The following LYPD6B variants were observed in gnomAD, a reference collection of about 807,000 sequenced individuals.
The protein encoded by LYPD6B is LY6/PLAUR domain containing 6B, also known as ly6/PLAUR domain-containing protein 6B.
LYPD6B carries 17 observed loss-of-function variants against 22.8 expected under a neutral mutation model. That is an observed-to-expected ratio of 0.75 (90% CI 0.51 to 1.12). The LOEUF (loss-of-function observed/expected upper bound fraction) is 1.12. Ranked by LOEUF, LYPD6B falls within the 50% of genes most tolerant of loss-of-function variation. The pLI, the probability that LYPD6B is intolerant of heterozygous loss-of-function variation, is 0.00. For missense variants in LYPD6B, 221 were observed against 258.3 expected, an observed-to-expected ratio of 0.86 and a Z score of 0.99; for synonymous variants, 106 against 91.6, an observed-to-expected ratio of 1.16 and a Z score of -0.90.
At chr2:149,123,657 A>C (rs1360698122) in intron 1 of LYPD6B, among the ~76,000 whole-genome samples, 2 of 152,088 alleles carry the variant, frequency 1.3e-5, no homozygotes, top group Admixed American at 6.6e-5. Flanking sequence ...AGGTCAAGAG[A>C]TCGAGACCAT....
chr2:149,164,534 A>G (rs1690296539), intron 3 of LYPD6B, among the ~76,000 whole-genome samples: 1 of 152,182 alleles, frequency 6.6e-6, no homozygotes, highest in African/African-American at 2.4e-5. Context: ...CCTGTGGAAT[A>G]ACACTGCTTC....
chr2:149,169,625 A>G (rs1483047846), intron 3 of LYPD6B, among the ~76,000 whole-genome samples: 1 of 150,454 alleles, frequency 6.6e-6, no homozygotes, highest in Non-Finnish European at 1.5e-5. Flanking sequence ...AACTGAAGTT[A>G]CAAATCTCTT....
At chr2:149,143,626 A>G (rs1688833568) in intron 2 of LYPD6B, among the ~76,000 whole-genome samples, 1 of 152,044 alleles carries the variant, frequency 6.6e-6, no homozygotes, top group African/African-American at 2.4e-5. Context: ...TCTCCTTCCA[A>G]TTGTCTCTTC....
At chr2:149,100,583 G>A (rs1215532011) in intron 1 of LYPD6B, among the ~76,000 whole-genome samples, 1 of 152,104 alleles carries the variant, frequency 6.6e-6, no homozygotes, top group African/African-American at 2.4e-5. Flanking sequence ...AGACTGAGTA[G>A]AGGACCTTTT....
intron 1 of LYPD6B, among the ~76,000 whole-genome samples, chr2:149,062,909 C>T (rs1478520404): frequency 7.8e-6 from 1 of 128,430 alleles, no homozygotes; most frequent in Non-Finnish European, 1.6e-5. Context: ...TGGCTGAAGT[C>T]CTGAAATAGT....
At chr2:149,161,676 C>A (rs1289084014) in intron 3 of LYPD6B, among the ~76,000 whole-genome samples, 1 of 152,112 alleles carries the variant, frequency 6.6e-6, no homozygotes, top group East Asian at 1.9e-4. Flanking sequence ...GTCAAACAGG[C>A]CTCCCACTTT....
chr2:149,190,783 A>G (rs936262694), intron 3 of LYPD6B, among the ~76,000 whole-genome samples: 4 of 152,244 alleles, frequency 2.6e-5, no homozygotes, highest in African/African-American at 9.6e-5. Flanking sequence ...AGCTATTTCC[A>G]TATTAGTGAG....
intron 3 of LYPD6B, among the ~76,000 whole-genome samples, chr2:149,183,799 A>C (rs920228092): frequency 6.6e-6 from 1 of 151,926 alleles, no homozygotes; most frequent in African/African-American, 2.4e-5. Context: ...ATGTTTATTC[A>C]ATGAATAAAA....
chr2:149,143,681 C>T (rs1451487830), intron 2 of LYPD6B, among the ~76,000 whole-genome samples: 1 of 152,038 alleles, frequency 6.6e-6, no homozygotes, highest in African/African-American at 2.4e-5. Context: ...AGTAAATAAC[C>T]CCCACAGAGT....
intron 1 of LYPD6B, among the ~76,000 whole-genome samples, chr2:149,084,008 G>A (rs150035774): frequency 0.012 from 1,769 of 152,182 alleles, 20 homozygotes; most frequent in Non-Finnish European, 0.018. Flanking sequence ...GCTGAGGCAG[G>A]AGAATCACTT....
intron 4 of LYPD6B, 46 bp downstream of exon 4, chr2:149,205,450 A>G: frequency 6.3e-7 from 1 of 1,590,128 alleles, no homozygotes; most frequent in South Asian, 1.1e-5. Flanking sequence ...GTGGGGCCAG[A>G]GTGTTAATAT....
intron 3 of LYPD6B, among the ~76,000 whole-genome samples, chr2:149,168,328 C>T (rs1258433425): frequency 2.0e-5 from 3 of 151,954 alleles, no homozygotes; most frequent in African/African-American, 7.3e-5. Context: ...TGCACATGTG[C>T]CCGTCAGGTT....
intron 1 of LYPD6B, among the ~76,000 whole-genome samples, chr2:149,074,247 C>T (rs940532671): frequency 6.9e-6 from 1 of 144,012 alleles, no homozygotes; most frequent in African/African-American, 2.6e-5. Context: ...CACGTGCACA[C>T]ACATGCATAC....
At chr2:149,163,058 G>T (rs564812662) in intron 3 of LYPD6B, among the ~76,000 whole-genome samples, 1 of 152,238 alleles carries the variant, frequency 6.6e-6, no homozygotes, top group African/African-American at 2.4e-5. Context: ...GGGGGGTGGG[G>T]CAGGAGTCCT....
At chr2:149,135,517 C>T (rs1421947909) in intron 2 of LYPD6B, among the ~76,000 whole-genome samples, 1 of 151,650 alleles carries the variant, frequency 6.6e-6, no homozygotes, top group East Asian at 2.0e-4. Flanking sequence ...GTCAGGAGTT[C>T]GAGACCAGCC....
intron 1 of LYPD6B, among the ~76,000 whole-genome samples, chr2:149,060,999 A>ATGTTGGTCAGGCTGGTATCG (rs1300505340): frequency 6.6e-6 from 1 of 152,066 alleles, no homozygotes; most frequent in African/African-American, 2.4e-5. Context: ...TGGGCCTAGC[A>ATGTTGGTCAGGCTGGTATCG]AATGTGTTCT....
Position 149,098,643 on chromosome 2 carries a change from A to AAAGAAAG in LYPD6B, c.-66-32238_-66-32237insGAAAGAA, listed in dbSNP as rs1553482536. ...ACTCTGTCTCAAAAAAAAAAAAAAAAAAAAAAGAAAAAAATGGCTTTGGTT... is the reference window on the plus strand; with the variant it reads ...ACTCTGTCTCAAAAAAAAAAAAAAAAAAGAAAGAAAAAAGAAAAAAATGGCTTTGGTT... On this transcript the variant is annotated intron_variant, in intron 1 of 6. Coordinates refer to ENST00000409642, the MANE Select transcript of LYPD6B (RefSeq NM_177964.5). Among the ~76,000 whole-genome samples, 166 of 130,992 alleles carry AAAGAAAG rather than the reference A, an allele frequency of 1.3e-3. 1 individual carries two copies. The highest frequency in any genetic ancestry group is 2.1e-3 in the Non-Finnish European group (135 of 63,522). 85.9% of individuals were successfully genotyped at this position (130,992 alleles called of 152,430 possible). A position where few individuals can be genotyped will look rare whatever the true frequency, so the allele number is the denominator to read the frequency against.
At chr2:149,106,218 T>C (rs1054321361) in intron 1 of LYPD6B, among the ~76,000 whole-genome samples, 3 of 152,174 alleles carry the variant, frequency 2.0e-5, no homozygotes, top group Non-Finnish European at 4.4e-5. Flanking sequence ...TTTGCATCTA[T>C]GTTCATGAGG....
intron 1 of LYPD6B, among the ~76,000 whole-genome samples, chr2:149,041,951 G>A (rs530131462): frequency 6.6e-6 from 1 of 152,308 alleles, no homozygotes; most frequent in Admixed American, 6.5e-5. Context: ...GGATTGGGGT[G>A]GAGGAGTTTC....
Sources: gnomAD v4.1 joint callset for allele counts (sites outside exome capture counted in the v4.1 genomes callset) on GRCh38, gnomAD v4.1.1 for gene constraint, MANE v1.5 for transcripts, NCBI Gene and HGNC (gene_info 2026-07-23, HGNC 2026-07-21) for gene names.